Variants in TSPAN11 observed in about 807,000 individuals in gnomAD.
TSPAN11 encodes the protein tetraspanin 11.
In TSPAN11, 29 loss-of-function variants were observed where a neutral mutation model predicts 32.9. That is an observed-to-expected ratio of 0.88 (90% CI 0.66 to 1.20). The LOEUF is 1.20. Ranked by LOEUF, TSPAN11 falls within the 50% of genes most tolerant of loss-of-function variation. The pLI is 0.00. For synonymous variants in TSPAN11, 140 were observed against 141.3 expected, an observed-to-expected ratio of 0.99 and a Z score of 0.07; for missense variants, 283 against 329.1, an observed-to-expected ratio of 0.86 and a Z score of 1.08.
In TSPAN11 at chr12:30,994,276, A is replaced by C. The variant is rs1939374115; in HGVS notation, c.*2361A>C. On this transcript the variant is annotated 3_prime_UTR_variant, in exon 8 of 8. Transcript: ENST00000546076. ...GTGCCCCTCCTGCTGACGAGGGTAC[A>C]GATCCATACCCAGGTCAATTCCTCC... The C allele has an allele frequency of 6.6e-6, 1 of 152,332 alleles. No homozygotes were observed. Among genetic ancestry groups the C allele is most frequent in the Non-Finnish European group, 1.5e-5 (1 of 68,164 alleles). The allele number at this position is 152,332 out of a possible 1,614,324, so 9.4% of individuals were successfully genotyped here. A position where few individuals can be genotyped will look rare whatever the true frequency, so the allele number is the denominator to read the frequency against.
the TSPAN11 span, chr12:31,015,421 T>G: frequency 6.6e-6 from 1 of 152,348 alleles, no homozygotes; most frequent in East Asian, 1.9e-4. The surrounding 1 kb of genome is among the most constrained non-coding windows in gnomAD (Gnocchi z 4.9). Flanking sequence ...TTAAGCGGTG[T>G]GGGGTCAACT....
intron 1 of TSPAN11, among the ~76,000 whole-genome samples, chr12:30,932,868 G>A (rs1156688987): frequency 6.6e-6 from 1 of 152,210 alleles, no homozygotes; most frequent in East Asian, 1.9e-4. Flanking sequence ...ATCTGGGAAA[G>A]GAGATGAGAT....
rs35069 is a variant in TSPAN11, at chr12:30,994,506, G to T, written c.*2591G>T. 5.3e-5 allele frequency: 8 copies of T among 152,196 alleles called. No homozygotes were observed. The highest frequency in any genetic ancestry group is 1.4e-4 in the African/African-American group (6 of 41,430). 9.4% of individuals were successfully genotyped at this position (152,196 alleles called of 1,614,324 possible). On this transcript the variant is annotated 3_prime_UTR_variant, in exon 8 of 8. Transcript: ENST00000546076. ...CTCCATGCTGCCCTTCCCTGAGCTC[G>T]CAGGGGCAGACACCAAGAGAAGGGC...
chr12:30,967,291 C>A (rs187040318), intron 3 of TSPAN11, among the ~76,000 whole-genome samples: 6 of 152,328 alleles, frequency 3.9e-5, no homozygotes, highest in African/African-American at 9.6e-5. Flanking sequence ...ATGGCCTGCC[C>A]AGAGGGAACC....
chr12:30,983,766 G>A (rs760142173), intron 7 of TSPAN11, among the ~76,000 whole-genome samples: 5 of 152,144 alleles, frequency 3.3e-5, no homozygotes, highest in African/African-American at 4.8e-5. Context: ...GACTGTTTAC[G>A]TAGCATTTAC....
At position 30,996,273 on chromosome 12, in the gene TSPAN11, A is replaced by G. The variant is rs993558468; in HGVS notation, c.*4358A>G. On this transcript the variant is annotated 3_prime_UTR_variant, in exon 8 of 8. Coordinates refer to ENST00000546076, the MANE Select transcript of TSPAN11 (RefSeq NM_001370302.1). ...TACATGCCTTGGGAGAACCTGCTAC[A>G]TGTTGGCTGCCCCCTTCCCCTATTT... 6.6e-6 allele frequency: 1 copy of G among 152,348 alleles called. No homozygotes were observed. The highest frequency in any genetic ancestry group is 2.4e-5 in the African/African-American group (1 of 41,554). 9.4% of individuals were successfully genotyped at this position (152,348 alleles called of 1,614,324 possible).
At chr12:30,976,409 C>T (rs182724897) in intron 3 of TSPAN11, among the ~76,000 whole-genome samples, 147 of 152,302 alleles carry the variant, frequency 9.7e-4, no homozygotes, top group Non-Finnish European at 1.9e-3. Context: ...CCAGCTAGAG[C>T]CAGCATGTGG....
At chr12:30,934,163 G>A (rs1169165803) in intron 1 of TSPAN11, among the ~76,000 whole-genome samples, 1 of 152,250 alleles carries the variant, frequency 6.6e-6, no homozygotes, top group Non-Finnish European at 1.5e-5. Context: ...GCTGTTGGGT[G>A]GGCCAGGCCC....
the TSPAN11 span, among the ~76,000 whole-genome samples, chr12:31,009,060 C>T: frequency 6.6e-6 from 1 of 150,998 alleles, no homozygotes; most frequent in Non-Finnish European, 1.5e-5. Flanking sequence ...CACTGCCTGC[C>T]CAATGACTAA....
intron 7 of TSPAN11, 95 bp downstream of exon 7, chr12:30,983,245 TG>T: frequency 7.8e-7 from 1 of 1,277,790 alleles, no homozygotes; most frequent in Non-Finnish European, 1.1e-6. Context: ...CTGAAATAAC[TG>T]ACCCTTTGCA....
intron 2 of TSPAN11, among the ~76,000 whole-genome samples, chr12:30,960,964 G>A (rs926083417): frequency 3.3e-5 from 5 of 151,528 alleles, no homozygotes; most frequent in Admixed American, 6.6e-5. Context: ...GCTTGAACCT[G>A]GGAGGTGGAG....
intron 3 of TSPAN11, among the ~76,000 whole-genome samples, chr12:30,966,840 CCTCAGGCAT>C (rs1282951613): frequency 2.6e-5 from 4 of 152,230 alleles, no homozygotes; most frequent in African/African-American, 9.6e-5. Flanking sequence ...ACCCTAGAAG[CCTCAGGCAT>C]CTCAGTGCCT....
chr12:30,978,514 G>T, intron 3 of TSPAN11, 47 bp from the exon 4 acceptor site: 1 of 1,594,150 alleles, frequency 6.3e-7, no homozygotes, highest in Non-Finnish European at 8.6e-7. Context: ...ATTTGTCATA[G>T]CAGCAACCCG....
intron 3 of TSPAN11, among the ~76,000 whole-genome samples, chr12:30,969,447 C>CA (rs1938803744): frequency 6.6e-6 from 1 of 152,216 alleles, no homozygotes; most frequent in South Asian, 2.1e-4. Context: ...GTCCTTTCCT[C>CA]ATCCAGCGTG....
chr12:30,948,214 A>G (rs1385177711), intron 1 of TSPAN11, among the ~76,000 whole-genome samples: 3 of 152,176 alleles, frequency 2.0e-5, no homozygotes, highest in African/African-American at 7.2e-5. Context: ...GAGTGTCTGC[A>G]GCTTTTCCAG....
At chr12:30,991,796 G>A (rs902348070) in intron 7 of TSPAN11, 60 bp from the exon 8 acceptor site, 2 of 1,595,856 alleles carry the variant, frequency 1.3e-6, no homozygotes, top group Non-Finnish European at 8.6e-7. Flanking sequence ...GGGCCCTGAG[G>A]GCCGGCAGCT....
chr12:30,998,130 G>A (rs944448788), downstream of TSPAN11, among the ~76,000 whole-genome samples: 5 of 151,580 alleles, frequency 3.3e-5, no homozygotes, highest in African/African-American at 9.7e-5. Context: ...CATCCAACAC[G>A]AATGTACCAA....
chr12:30,951,706 G>A (rs1565792182), intron 1 of TSPAN11, among the ~76,000 whole-genome samples: 1 of 152,172 alleles, frequency 6.6e-6, no homozygotes, highest in Non-Finnish European at 1.5e-5. Flanking sequence ...CTTGCCCAAG[G>A]TCACACAGCC....
At chr12:31,008,394 G>A in the TSPAN11 span, among the ~76,000 whole-genome samples, 15 of 152,340 alleles carry the variant, frequency 9.8e-5, no homozygotes, top group African/African-American at 3.6e-4. Flanking sequence ...CCTCTTCCCT[G>A]TCCTTCCTCA....
Sources: allele counts gnomAD v4.1 joint callset (sites outside exome capture counted in the v4.1 genomes callset), GRCh38; gene constraint gnomAD v4.1.1; non-coding constraint Gnocchi (gnomAD v3.1); transcripts MANE v1.5; gene names NCBI Gene and HGNC (gene_info 2026-07-23, HGNC 2026-07-21).